ADAMTS20: variants seen among roughly 807,000 people sequenced by gnomAD.
ADAMTS20 encodes ADAM metallopeptidase with thrombospondin type 1 motif 20, also known as A disintegrin and metalloproteinase with thrombospondin motifs 20.
ADAMTS20 carries 225 observed loss-of-function variants against 260.1 expected under a neutral mutation model. The ratio of observed to expected loss-of-function variants is 0.87; its 90% CI spans 0.78 to 0.97. ADAMTS20 has a LOEUF of 0.97. ADAMTS20 is among the 50% of genes least tolerant of loss of function. The pLI is 0.00. For missense variants in ADAMTS20, 2,400 were observed against 2,337.7 expected (o/e 1.03, Z -0.55); for synonymous variants, 802 against 769.5 (o/e 1.04, Z -0.70).
intron 3 of ADAMTS20, among the ~76,000 whole-genome samples, chr12:43,518,483 A>G (rs912738517): frequency 1.3e-4 from 19 of 151,718 alleles, no homozygotes; most frequent in Non-Finnish European, 2.4e-4. Flanking sequence ...CATCTCCCCA[A>G]CTGCCAAGTA....
At chr12:43,420,657 CA>C (rs1941209086) in intron 28 of ADAMTS20, among the ~76,000 whole-genome samples, 1 of 152,010 alleles carries the variant, frequency 6.6e-6, no homozygotes, top group Non-Finnish European at 1.5e-5. Context: ...ATGGGAGCTA[CA>C]GGGGGAGGCA....
chr12:43,405,259 A>AAAAAAAAAAAAAC (rs1940893541), intron 28 of ADAMTS20, among the ~76,000 whole-genome samples: 1 of 143,762 alleles, frequency 7.0e-6, no homozygotes, highest in Non-Finnish European at 1.5e-5. Context: ...AAAAAAAAAA[A>AAAAAAAAAAAAAC]AAATTAGCCA....
chr12:43,455,990 T>C (rs1163565777), intron 11 of ADAMTS20, among the ~76,000 whole-genome samples: 1 of 152,208 alleles, frequency 6.6e-6, no homozygotes, highest in Non-Finnish European at 1.5e-5. Flanking sequence ...AGTGTACAAA[T>C]ATATCTTTGA....
At chr12:43,389,934 C>T (rs1481843420) in intron 29 of ADAMTS20, among the ~76,000 whole-genome samples, 2 of 152,202 alleles carry the variant, frequency 1.3e-5, no homozygotes, top group African/African-American at 2.4e-5. Flanking sequence ...ACAAGCATGA[C>T]TCATTTACTC....
intron 28 of ADAMTS20, among the ~76,000 whole-genome samples, chr12:43,410,232 G>A (rs560657377): frequency 8.5e-5 from 13 of 152,252 alleles, no homozygotes; most frequent in Non-Finnish European, 1.2e-4. Context: ...ATGAGAGACT[G>A]GTACAGCAGG....
Position 43,462,934 on chromosome 12 carries a change from G to A in ADAMTS20, c.1575C>T (p.His525=), listed in dbSNP as rs142081242. ...EKLHKGCFTQ[H]VPPADGTDCG... ...AGTCTGTTCCATCTGCTGGTGGCAC[G>A]TGTTGAGTGAAACAGCCTTTGTGAA... The change falls in exon 11 of 39, where the codon CAC becomes CAT. Residue 525 remains histidine (H), a synonymous_variant. Transcript: ENST00000389420. 9.9e-6 allele frequency: 16 copies of A among 1,609,322 alleles called. No homozygotes were observed. Among genetic ancestry groups the A allele is most frequent in the East Asian group, 4.5e-5 (2 of 44,830 alleles).
At chr12:43,363,002 A>G (rs9668560) in intron 37 of ADAMTS20, among the ~76,000 whole-genome samples, 3,422 of 152,130 alleles carry the variant, frequency 0.022, 57 homozygotes, top group East Asian at 0.084. Context: ...TCTGACTTCC[A>G]TAACTGTTAA....
intron 7 of ADAMTS20, among the ~76,000 whole-genome samples, chr12:43,478,376 A>G (rs1016680661): frequency 3.3e-5 from 5 of 152,114 alleles, no homozygotes; most frequent in Non-Finnish European, 5.9e-5. Context: ...CGAAGAGAAA[A>G]AAAATGAAAG....
chr12:43,399,777 C>T (rs1462385885), intron 28 of ADAMTS20, among the ~76,000 whole-genome samples: 1 of 152,072 alleles, frequency 6.6e-6, no homozygotes, highest in Non-Finnish European at 1.5e-5. Context: ...ATGTCTTTCT[C>T]TACCATCGGC....
intron 22 of ADAMTS20, 75 bp from the exon 23 acceptor site, chr12:43,430,546 A>T (rs1439250310): frequency 1.5e-6 from 2 of 1,349,472 alleles, no homozygotes; most frequent in Non-Finnish European, 1.0e-6. Context: ...CTTAATGAAT[A>T]CCCTGTTAAT....
intron 36 of ADAMTS20, among the ~76,000 whole-genome samples, chr12:43,373,357 CCATATA>C (rs1201511033): frequency 6.6e-6 from 1 of 152,140 alleles, no homozygotes; most frequent in Non-Finnish European, 1.5e-5. Context: ...ATACTTATAA[CCATATA>C]CATCATTAAA....
intron 12 of ADAMTS20, 145 bp from the exon 13 acceptor site, chr12:43,452,840 T>C: frequency 4.1e-6 from 3 of 726,022 alleles, no homozygotes; most frequent in Non-Finnish European, 6.4e-6. Context: ...ACATGAGTTT[T>C]ACGCAATTCT....
intron 2 of ADAMTS20, among the ~76,000 whole-genome samples, chr12:43,543,934 A>G (rs1411454338): frequency 6.6e-6 from 1 of 152,194 alleles, no homozygotes; most frequent in Non-Finnish European, 1.5e-5. Flanking sequence ...GCTCATAAAC[A>G]TATTTGTAAT....
At chr12:43,427,520 G>A in intron 26 of ADAMTS20, 51 bp from the exon 27 acceptor site, 3 of 1,471,338 alleles carry the variant, frequency 2.0e-6, no homozygotes, top group Non-Finnish European at 1.8e-6. Context: ...TCCACATAAT[G>A]AATTTACATG....
intron 2 of ADAMTS20, among the ~76,000 whole-genome samples, chr12:43,544,078 G>A (rs1434487333): frequency 1.3e-5 from 2 of 152,178 alleles, no homozygotes; most frequent in South Asian, 4.1e-4. Flanking sequence ...TTGCATATTA[G>A]TAAGAGTTGG....
In ADAMTS20 at chr12:43,377,474, A is replaced by G; in HGVS notation, c.4886T>C (p.Leu1629Pro). Residue 1629 changes from leucine to proline, a missense_variant, in exon 32 of 39, where the codon CTT (leucine) becomes CCT (proline). Physicochemically the swap from Leu to Pro is moderately conservative, Grantham distance 98. Coordinates refer to ENST00000389420, the MANE Select transcript of ADAMTS20 (RefSeq NM_025003.5). The stretch of plus-strand genomic sequence containing the variant: ...GCATTCTTGATAAACTATAGGCCGA[A>G]GTCGATGGAGCTTATGTTTCTTAGT... ...PSTKKHKLHR[L>P]RPIVYQECPV... The G allele has an allele frequency of 6.2e-7, 1 of 1,613,778 alleles. No homozygotes were observed. The highest frequency in any genetic ancestry group is 1.7e-5 in the Admixed American group (1 of 59,984).
intron 12 of ADAMTS20, among the ~76,000 whole-genome samples, chr12:43,453,070 G>C (rs1276717008): frequency 6.6e-6 from 1 of 152,118 alleles, no homozygotes; most frequent in African/African-American, 2.4e-5. Context: ...AAATAAAAAG[G>C]AAATGTATAC....
chr12:43,414,709 A>C (rs1029358268), intron 28 of ADAMTS20, among the ~76,000 whole-genome samples: 1 of 152,140 alleles, frequency 6.6e-6, no homozygotes, highest in African/African-American at 2.4e-5. Flanking sequence ...ATTTGGGGCA[A>C]CTGGAATTCT....
At chr12:43,467,348 C>T (rs951026114) in intron 8 of ADAMTS20, among the ~76,000 whole-genome samples, 1 of 152,014 alleles carries the variant, frequency 6.6e-6, no homozygotes, top group African/African-American at 2.4e-5. Flanking sequence ...GCAGTCACAT[C>T]TTCATGACTT....
Sources: gnomAD v4.1 joint callset for allele counts (sites outside exome capture counted in the v4.1 genomes callset) on GRCh38, gnomAD v4.1.1 for gene constraint, MANE v1.5 for transcripts, NCBI Gene and HGNC (gene_info 2026-07-23, HGNC 2026-07-21) for gene names.